Variants in PKD1L3 observed in about 807,000 individuals in gnomAD.
PKD1L3 encodes polycystin 1 like 3, transient receptor potential channel interacting, also known as polycystin-1-like protein 3.
PKD1L3 carries 239 observed loss-of-function variants against 184.1 expected under a neutral mutation model. That is an observed-to-expected ratio of 1.30 (90% CI 1.17 to 1.45). The LOEUF is 1.45. Among genes scored for constraint, PKD1L3 ranks in the 40% most tolerant of loss-of-function variants. The pLI, the probability that PKD1L3 is intolerant of heterozygous loss-of-function variation, is 0.00. For synonymous variants in PKD1L3, 996 were observed against 778.8 expected (o/e 1.28, Z -4.64); for missense variants, 2,660 against 2,067.2 (o/e 1.29, Z -5.56).
intron 28 of PKD1L3, 78 bp downstream of exon 28, chr16:71,933,342 G>C: frequency 9.8e-7 from 1 of 1,021,278 alleles, no homozygotes; most frequent in East Asian, 2.6e-5. Context: ...ACAGTAGGGG[G>C]CTGTTTTCAT....
chr16:71,998,179 C>G (rs2040856657), intron 2 of PKD1L3, 93 bp downstream of exon 2: 1 of 1,473,016 alleles, frequency 6.8e-7, no homozygotes, highest in Non-Finnish European at 9.2e-7. Flanking sequence ...CTAACACTCA[C>G]AGACTATTTA....
intron 6 of PKD1L3, among the ~76,000 whole-genome samples, chr16:71,983,636 A>C (rs921476799): frequency 6.7e-6 from 1 of 148,916 alleles, no homozygotes; most frequent in Non-Finnish European, 1.5e-5. Context: ...TAAGCTTGGC[A>C]TAAGGCACAA....
chr16:71,958,262 C>A (rs1392267160), intron 16 of PKD1L3, among the ~76,000 whole-genome samples: 3 of 150,814 alleles, frequency 2.0e-5, no homozygotes, highest in African/African-American at 7.3e-5. Context: ...TGGCGGGCGC[C>A]TGTAGTCCCA....
At chr16:71,938,721 A>T (rs1369997486) in intron 24 of PKD1L3, among the ~76,000 whole-genome samples, 1 of 152,128 alleles carries the variant, frequency 6.6e-6, no homozygotes, top group Non-Finnish European at 1.5e-5. Context: ...CCCACTCCAG[A>T]TCTCTCTGCT....
intron 15 of PKD1L3, among the ~76,000 whole-genome samples, chr16:71,966,079 T>G (rs935275945): frequency 6.6e-6 from 1 of 151,954 alleles, no homozygotes; most frequent in African/African-American, 2.4e-5. Flanking sequence ...GGCTGGTATG[T>G]CTAGCTAGGG....
chr16:71,977,152 G>A (rs929286176), intron 11 of PKD1L3, 84 bp downstream of exon 11: 47 of 1,044,308 alleles, frequency 4.5e-5, no homozygotes, highest in Non-Finnish European at 6.4e-5. Flanking sequence ...GTTTGAGGCT[G>A]CAGTCAACAA....
intron 12 of PKD1L3, among the ~76,000 whole-genome samples, chr16:71,972,585 G>A (rs568151227): frequency 6.6e-6 from 1 of 151,554 alleles, no homozygotes; most frequent in East Asian, 2.0e-4. Flanking sequence ...TTGAAAGTTT[G>A]AGGCAGGCGG....
chr16:71,965,172 T>C (rs2039454590), intron 15 of PKD1L3, among the ~76,000 whole-genome samples: 1 of 152,138 alleles, frequency 6.6e-6, no homozygotes, highest in African/African-American at 2.4e-5. Flanking sequence ...GTACAGCTTC[T>C]TTCACTAAGC....
intron 2 of PKD1L3, among the ~76,000 whole-genome samples, chr16:71,994,060 A>G (rs2040692101): frequency 6.6e-6 from 1 of 152,192 alleles, no homozygotes; most frequent in African/African-American, 2.4e-5. Context: ...GTGAGCCACC[A>G]CGCCCGTCTG....
At chr16:71,933,612 T>A (rs1597274599) in intron 27 of PKD1L3, 91 bp from the exon 28 acceptor site, 1 of 971,484 alleles carries the variant, frequency 1.0e-6, no homozygotes, top group Non-Finnish European at 1.6e-6. Flanking sequence ...ATAGAAGCAA[T>A]GGAACAGAAA....
chr16:71,951,340 GT>G (rs1415296908), intron 19 of PKD1L3, among the ~76,000 whole-genome samples: 5 of 152,136 alleles, frequency 3.3e-5, no homozygotes, highest in African/African-American at 4.8e-5. Flanking sequence ...TCTGGCTTGT[GT>G]TTTTTTCTTA....
chr16:71,973,272 T>G, intron 12 of PKD1L3, 52 bp downstream of exon 12: 2 of 1,525,330 alleles, frequency 1.3e-6, no homozygotes, highest in East Asian at 2.5e-5. Flanking sequence ...TGCATTGGGC[T>G]TAACAGTAGC....
chr16:71,991,414 T>C lies in PKD1L3; in HGVS notation c.536-1085A>G, dbSNP rs377171803. ...GAAGCTAACATGCACCAGAATGAGG[T>C]ACATTAAAAGAAAAATAAACGATAT... On this transcript the variant is annotated intron_variant, in intron 3 of 29. Coordinates refer to ENST00000620267, the MANE Select transcript of PKD1L3 (RefSeq NM_181536.2). 1.9e-3 allele frequency: 299 copies of C among 159,126 alleles called. 2 individuals carry two copies. The highest frequency in any genetic ancestry group is 6.0e-3 in the African/African-American group (249 of 41,550). The allele number at this position is 159,126 out of a possible 1,614,324, so 9.9% of individuals were successfully genotyped here. A position where few individuals can be genotyped will look rare whatever the true frequency, so the allele number is the denominator to read the frequency against.
chr16:71,995,211 G>A (rs1193062878), intron 2 of PKD1L3, among the ~76,000 whole-genome samples: 2 of 152,046 alleles, frequency 1.3e-5, no homozygotes, highest in Non-Finnish European at 2.9e-5. Context: ...CCTCTGCCAA[G>A]TCCTTTTATA....
Position 71,967,930 on chromosome 16 carries a change from T to C in PKD1L3, c.2262A>G (p.Arg754=). 1.3e-6 allele frequency: 2 copies of C among 1,551,438 alleles called. No individual in the cohort carries two copies. Among genetic ancestry groups the C allele is most frequent in the Non-Finnish European group, 1.7e-6 (2 of 1,146,762 alleles). Residue 754 remains arginine, a synonymous_variant, in exon 14 of 30, where the codon CGA becomes CGG. Coordinates refer to ENST00000620267, the MANE Select transcript of PKD1L3 (RefSeq NM_181536.2). The part of the protein sequence containing the change: ...HYLIQVYTGY[R]RSAATTAKVV... Reference sequence around the variant, plus strand: ...CCTTAGCTGTTGTAGCAGCGCTTCTTCGATATCCGGTGTAGACCTGAATAA... The same window carrying C: ...CCTTAGCTGTTGTAGCAGCGCTTCTCCGATATCCGGTGTAGACCTGAATAA...
At chr16:71,997,609 A>G (rs1171886899) in intron 2 of PKD1L3, among the ~76,000 whole-genome samples, 1 of 152,056 alleles carries the variant, frequency 6.6e-6, no homozygotes, top group Non-Finnish European at 1.5e-5. Flanking sequence ...TTAGCCGGGC[A>G]TGGTGGCACA....
chr16:71,956,983 A>G (rs143000993), intron 16 of PKD1L3, among the ~76,000 whole-genome samples: 2 of 152,362 alleles, frequency 1.3e-5, no homozygotes, highest in East Asian at 3.9e-4. Flanking sequence ...CAACAATAGC[A>G]CAAAAGAGTG....
At chr16:71,929,878 T>C (rs1330565762) in intron 29 of PKD1L3, 174 bp downstream of exon 29, 4 of 989,264 alleles carry the variant, frequency 4.0e-6, no homozygotes, top group Non-Finnish European at 4.3e-6. Context: ...TAGAATATTA[T>C]GTAGTCTTAT....
chr16:71,967,815 G>C (rs2039558245), intron 14 of PKD1L3, 91 bp downstream of exon 14: 2 of 1,043,396 alleles, frequency 1.9e-6, no homozygotes, highest in Non-Finnish European at 2.8e-6. Flanking sequence ...CTCTTTTAAA[G>C]TGCTATTGGT....
Sources: gnomAD v4.1 joint callset for allele counts (sites outside exome capture counted in the v4.1 genomes callset) on GRCh38, gnomAD v4.1.1 for gene constraint, MANE v1.5 for transcripts, NCBI Gene and HGNC (gene_info 2026-07-23, HGNC 2026-07-21) for gene names.